CNTNAP4: variants seen among roughly 807,000 people sequenced by gnomAD.
The protein encoded by CNTNAP4 is contactin associated protein family member 4.
A neutral mutation model predicts 148.4 loss-of-function variants in CNTNAP4; 98 were observed. The observed-to-expected ratio is 0.66, with a 90% CI of 0.56 to 0.78. The LOEUF (loss-of-function observed/expected upper bound fraction) is 0.78, where lower values mean the gene tolerates loss of function less well. Ranked by LOEUF, CNTNAP4 falls within the 30% of genes least tolerant of loss-of-function variation. The pLI, the probability that CNTNAP4 is intolerant of heterozygous loss-of-function variation, is 0.00. For missense variants in CNTNAP4, 1,935 were observed against 1,565.6 expected, an observed-to-expected ratio of 1.24 and a Z score of -3.98; for synonymous variants, 730 against 565.1, an observed-to-expected ratio of 1.29 and a Z score of -4.14.
Position 76,479,364 on chromosome 16 carries a change from A to G in CNTNAP4, c.1763-55A>G, listed in dbSNP as rs1303759663. 3.6e-5 allele frequency: 52 copies of G among 1,457,602 alleles called. 1 individual carries two copies. The South Asian group carries it at 7.3e-4, about 20-fold the overall frequency. The allele number at this position is 1,457,602 out of a possible 1,614,324, so 90.3% of individuals were successfully genotyped here. Reference sequence around the variant, plus strand: ...TTGCGGTATTTCATGTCCAAATTAAAAGTTAAGAGATTCATTTCATGCTAT... The same window carrying G: ...TTGCGGTATTTCATGTCCAAATTAAGAGTTAAGAGATTCATTTCATGCTAT... On this transcript the variant is annotated intron_variant, in intron 11 of 23. Coordinates refer to ENST00000611870, the MANE Select transcript of CNTNAP4 (RefSeq NM_033401.5).
At position 76,421,215 on chromosome 16, in the gene CNTNAP4, TATC is replaced by T. The variant is rs1302191693; in HGVS notation, c.391-6234_391-6232del. 7.9e-5 allele frequency among the ~76,000 whole-genome samples: 12 copies of T among 152,212 alleles called. No homozygotes were observed. In the South Asian group the frequency reaches 2.3e-3, roughly 29 times the overall value. Reference sequence around the variant, plus strand: ...ATTTGCACAAGGGGTCTCATCAAGTTATCATTAATAATTGTGTTCCTTCAAATA... The same window carrying T: ...ATTTGCACAAGGGGTCTCATCAAGTTATTAATAATTGTGTTCCTTCAAATA... On this transcript the variant is annotated intron_variant, in intron 3 of 23. Coordinates refer to ENST00000611870, the MANE Select transcript of CNTNAP4 (RefSeq NM_033401.5).
At chr16:76,477,308 ATGCCCATTT>A (rs1342778561) in intron 11 of CNTNAP4, among the ~76,000 whole-genome samples, 2 of 152,228 alleles carry the variant, frequency 1.3e-5, no homozygotes, top group Non-Finnish European at 2.9e-5. Context: ...GAAGACCAAA[ATGCCCATTT>A]CCCCCCCATT....
intron 3 of CNTNAP4, among the ~76,000 whole-genome samples, chr16:76,395,767 C>T (rs183626654): frequency 6.0e-5 from 9 of 151,210 alleles, no homozygotes; most frequent in Non-Finnish European, 1.0e-4. Context: ...CTTGCTCTGT[C>T]GCTCAGGCTG....
intron 4 of CNTNAP4, among the ~76,000 whole-genome samples, 162 bp from the exon 5 acceptor site, chr16:76,447,850 G>C (rs1451933074): frequency 6.6e-6 from 1 of 152,166 alleles, no homozygotes; most frequent in African/African-American, 2.4e-5. Context: ...TTTAACTTAA[G>C]ATGGGTTTAT....
chr16:76,277,598 A>G lies in CNTNAP4; in HGVS notation c.-65A>G. ...CCAGACAGAGCTGGCAGAGCTACTG[A>G]GAAGAGGACTGGAGCGCTCTGAGAG... On this transcript the variant is annotated 5_prime_UTR_variant, in exon 1 of 24. Transcript: ENST00000611870. The G allele has an allele frequency of 9.2e-7, 1 of 1,090,222 alleles. No homozygotes were observed. The highest frequency in any genetic ancestry group is 1.3e-5 in the South Asian group (1 of 74,760). 67.5% of individuals were successfully genotyped at this position (1,090,222 alleles called of 1,614,324 possible).
intron 3 of CNTNAP4, among the ~76,000 whole-genome samples, chr16:76,407,722 G>C (rs886854145): frequency 6.6e-5 from 10 of 152,092 alleles, no homozygotes; most frequent in Non-Finnish European, 1.5e-4. Flanking sequence ...TCTACTCCTG[G>C]TGAAGATGCT....
chr16:76,329,662 C>T (rs1008526452), intron 2 of CNTNAP4, among the ~76,000 whole-genome samples: 2 of 152,130 alleles, frequency 1.3e-5, no homozygotes, highest in South Asian at 2.1e-4. Flanking sequence ...TAGCTTAAAA[C>T]CACATTTAAG....
intron 10 of CNTNAP4, among the ~76,000 whole-genome samples, chr16:76,473,647 A>C (rs937468465): frequency 2.6e-5 from 4 of 151,972 alleles, no homozygotes; most frequent in African/African-American, 9.7e-5. Flanking sequence ...GGTGGCAGGC[A>C]CCTGTAGTTC....
At chr16:76,352,915 G>A (rs1385944728) in intron 2 of CNTNAP4, among the ~76,000 whole-genome samples, 5 of 152,158 alleles carry the variant, frequency 3.3e-5, no homozygotes, top group South Asian at 2.1e-4. Flanking sequence ...TACCCTTCAC[G>A]GACAGCAGGG....
chr16:76,480,617 A>G (rs1381027783), intron 12 of CNTNAP4, among the ~76,000 whole-genome samples: 1 of 152,172 alleles, frequency 6.6e-6, no homozygotes, highest in African/African-American at 2.4e-5. Context: ...ATGCGCTTGC[A>G]GTCCCAGCTA....
intron 3 of CNTNAP4, among the ~76,000 whole-genome samples, chr16:76,408,503 C>A (rs946497658): frequency 6.6e-6 from 1 of 150,422 alleles, no homozygotes; most frequent in South Asian, 2.1e-4. Flanking sequence ...CAAGCATCAA[C>A]CCCATGGCCT....
Position 76,489,667 on chromosome 16 carries a change from C to T in CNTNAP4, c.1883-19C>T, listed in dbSNP as rs1229875905. 7.0e-7 allele frequency: 1 copy of T among 1,428,826 alleles called. No individual in the cohort carries two copies. Among genetic ancestry groups the T allele is most frequent in the South Asian group, 1.6e-5 (1 of 64,046 alleles). The allele number at this position is 1,428,826 out of a possible 1,614,324, so 88.5% of individuals were successfully genotyped here. A position where few individuals can be genotyped will look rare whatever the true frequency, so the allele number is the denominator to read the frequency against. On this transcript the variant is annotated intron_variant, in intron 12 of 23. Coordinates refer to ENST00000611870, the MANE Select transcript of CNTNAP4 (RefSeq NM_033401.5). ...TAGTGATGGTCTCCTCTCTTTCTCC[C>T]CCCATTTCTGCATACAAGAAACTGC...
intron 3 of CNTNAP4, among the ~76,000 whole-genome samples, chr16:76,409,311 T>C (rs890211146): frequency 6.6e-6 from 1 of 151,694 alleles, no homozygotes; most frequent in African/African-American, 2.4e-5. Flanking sequence ...ATGTAGTTTC[T>C]TAAAATTAAA....
At chr16:76,531,223 A>C (rs1406149690) in intron 17 of CNTNAP4, among the ~76,000 whole-genome samples, 1 of 152,212 alleles carries the variant, frequency 6.6e-6, no homozygotes, top group Non-Finnish European at 1.5e-5. Flanking sequence ...ATTTGCCATT[A>C]AAAATTTAAA....
Position 76,449,845 on chromosome 16 carries a change from A to G in CNTNAP4, c.1058A>G (p.Gln353Arg). 6.2e-7 allele frequency: 1 copy of G among 1,608,144 alleles called. No individual in the cohort carries two copies. Among genetic ancestry groups the G allele is most frequent in the Admixed American group, 1.7e-5 (1 of 59,148 alleles). Residue 353 changes from glutamine (Q) to arginine (R), a missense_variant, in exon 7 of 24, where the codon CAG becomes CGG. Gln to Arg is a conservative substitution (Grantham distance 43). Coordinates refer to ENST00000611870, the MANE Select transcript of CNTNAP4 (RefSeq NM_033401.5). The stretch of plus-strand genomic sequence containing the variant: ...GATTTGGCCAAGCAGCAAAAACCAC[A>G]GATCATTGCTATGGTGAGAGTCTTT... The part of the protein sequence containing the change: ...IIDLAKQQKP[Q>R]IIAMGNVSFS...
intron 3 of CNTNAP4, among the ~76,000 whole-genome samples, chr16:76,391,259 T>C (rs1046576948): frequency 1.3e-5 from 2 of 152,182 alleles, no homozygotes; most frequent in Non-Finnish European, 2.9e-5. Context: ...AGGAGCCAAA[T>C]GTGGTAAACA....
At chr16:76,474,578 A>G (rs1162312943) in intron 10 of CNTNAP4, among the ~76,000 whole-genome samples, 3 of 152,138 alleles carry the variant, frequency 2.0e-5, no homozygotes, top group Admixed American at 1.3e-4. Flanking sequence ...CCCCATCACA[A>G]ATGTGTTCTT....
intron 14 of CNTNAP4, among the ~76,000 whole-genome samples, chr16:76,497,446 A>C (rs2082437085): frequency 6.6e-6 from 1 of 152,236 alleles, no homozygotes. Flanking sequence ...AAATACAAAA[A>C]ATATGGAATA....
chr16:76,535,669 A>G lies in CNTNAP4; in HGVS notation c.2880A>G (p.Gly960=). The change falls in exon 18 of 24, where the codon GGA becomes GGG. Residue 960 remains glycine (G), a synonymous_variant. Transcript: ENST00000611870. ...CAGAAGTGCAGCCAGGTTGTAGGGG[A>G]CATTGCAGCAGCTATGGGAAGTTAT... ...VTPEVQPGCR[G]HCSSYGKLCR... is the part of the protein sequence containing the mutation. The G allele has an allele frequency of 6.2e-7, 1 of 1,614,032 alleles. No individual in the cohort carries two copies. The highest frequency in any genetic ancestry group is 8.5e-7 in the Non-Finnish European group (1 of 1,179,954).
Sources: gnomAD v4.1 joint callset for allele counts (sites outside exome capture counted in the v4.1 genomes callset) on GRCh38, gnomAD v4.1.1 for gene constraint, MANE v1.5 for transcripts, NCBI Gene and HGNC (gene_info 2026-07-23, HGNC 2026-07-21) for gene names.